The following MAF variants were observed in gnomAD, a reference collection of about 807,000 sequenced individuals.
MAF encodes MAF bZIP transcription factor.
Under a neutral mutation model 22.0 loss-of-function variants are expected in MAF, and 10 were observed. That is an observed-to-expected ratio of 0.45 (90% confidence interval 0.28 to 0.77). The LOEUF (loss-of-function observed/expected upper bound fraction) is 0.77. MAF is among the 30% of genes least tolerant of loss of function. MAF has a pLI of 0.12. For missense variants in MAF, 544 were observed against 548.4 expected, an observed-to-expected ratio of 0.99 and a Z score of 0.08; for synonymous variants, 337 against 255.8, an observed-to-expected ratio of 1.32 and a Z score of -3.03.
the MAF span, among the ~76,000 whole-genome samples, chr16:79,489,294 CATCT>C: frequency 1.3e-5 from 2 of 152,144 alleles, no homozygotes; most frequent in African/African-American, 4.8e-5. Context: ...CTCACACATC[CATCT>C]ATTTATCCAT....
At chr16:79,501,806 A>G in the MAF span, among the ~76,000 whole-genome samples, 1 of 152,194 alleles carries the variant, frequency 6.6e-6, no homozygotes, top group South Asian at 2.1e-4. Flanking sequence ...TTTAAATGGA[A>G]AAGAAAACTT....
At chr16:79,498,617 G>T in the MAF span, among the ~76,000 whole-genome samples, 2 of 152,162 alleles carry the variant, frequency 1.3e-5, no homozygotes, top group Non-Finnish European at 2.9e-5. Context: ...GAGGCTATTA[G>T]TACGCCCATT....
the MAF span, among the ~76,000 whole-genome samples, chr16:79,282,141 A>G: frequency 3.3e-5 from 5 of 152,190 alleles, no homozygotes; most frequent in African/African-American, 1.2e-4. Context: ...TCTCTACTAA[A>G]AATACAAAAA....
At chr16:79,532,308 G>C in the MAF span, among the ~76,000 whole-genome samples, 1 of 152,210 alleles carries the variant, frequency 6.6e-6, no homozygotes. Context: ...ATGTCCAACA[G>C]CATCATCCGT....
At chr16:79,306,200 G>T in the MAF span, among the ~76,000 whole-genome samples, 1 of 152,186 alleles carries the variant, frequency 6.6e-6, no homozygotes, top group African/African-American at 2.4e-5. Flanking sequence ...ATCAGATGCA[G>T]GACTGCCCCA....
chr16:79,551,291 G>T, the MAF span, among the ~76,000 whole-genome samples: 1 of 152,100 alleles, frequency 6.6e-6, no homozygotes, highest in Non-Finnish European at 1.5e-5. Flanking sequence ...CAAGCAGGAA[G>T]AGGCACCCAA....
the MAF span, among the ~76,000 whole-genome samples, chr16:79,428,460 T>G: frequency 6.6e-6 from 1 of 152,158 alleles, no homozygotes; most frequent in Admixed American, 6.5e-5. Context: ...AGTCCCAAAC[T>G]GGCATTTTCC....
chr16:79,514,413 T>G, the MAF span, among the ~76,000 whole-genome samples: 1 of 152,214 alleles, frequency 6.6e-6, no homozygotes, highest in South Asian at 2.1e-4. Flanking sequence ...ACAAATAATA[T>G]GGAAATATTC....
chr16:79,400,947 C>CATG, the MAF span, among the ~76,000 whole-genome samples: 1 of 152,252 alleles, frequency 6.6e-6, no homozygotes, highest in Non-Finnish European at 1.5e-5. Context: ...CAGGGAGAGG[C>CATG]ATGATAAACA....
chr16:79,468,761 C>T, the MAF span, among the ~76,000 whole-genome samples: 1 of 152,096 alleles, frequency 6.6e-6, no homozygotes, highest in Admixed American at 6.5e-5. Context: ...ATAAGATAAT[C>T]CAGGGGGCAG....
At chr16:79,546,866 T>C in the MAF span, among the ~76,000 whole-genome samples, 1 of 152,156 alleles carries the variant, frequency 6.6e-6, no homozygotes, top group Non-Finnish European at 1.5e-5. Context: ...GATGGACTTA[T>C]ATGACATGTT....
At chr16:79,348,619 A>G in the MAF span, among the ~76,000 whole-genome samples, 119 of 152,356 alleles carry the variant, frequency 7.8e-4, no homozygotes, top group African/African-American at 2.8e-3. Context: ...TGTCCGTATC[A>G]TCATATCAGG....
the MAF span, among the ~76,000 whole-genome samples, chr16:79,577,545 T>C: frequency 7.2e-5 from 11 of 152,236 alleles, no homozygotes; most frequent in South Asian, 1.9e-3. Flanking sequence ...ATGGTAGCTG[T>C]TGTCATCATA....
At chr16:79,570,262 C>G in the MAF span, among the ~76,000 whole-genome samples, 1 of 152,020 alleles carries the variant, frequency 6.6e-6, no homozygotes, top group African/African-American at 2.4e-5. Context: ...TAATCTAACC[C>G]CTCCCTCCAG....
chr16:79,483,030 C>T, the MAF span, among the ~76,000 whole-genome samples: 1 of 21,816 alleles, frequency 4.6e-5, no homozygotes, highest in African/African-American at 2.3e-4. Context: ...CTTCCCTCCC[C>T]TCCCTCCCTC....
the MAF span, among the ~76,000 whole-genome samples, chr16:79,388,502 C>CTT: frequency 6.6e-6 from 1 of 152,178 alleles, no homozygotes; most frequent in Non-Finnish European, 1.5e-5. Flanking sequence ...TTTTCTTTCT[C>CTT]TTTTTTCTTG....
chr16:79,267,400 G>A, the MAF span, among the ~76,000 whole-genome samples: 1 of 152,210 alleles, frequency 6.6e-6, no homozygotes, highest in African/African-American at 2.4e-5. Flanking sequence ...TGTGAGCTCT[G>A]CAGATTGTTT....
the MAF span, among the ~76,000 whole-genome samples, chr16:79,238,306 C>A: frequency 2.6e-5 from 4 of 152,106 alleles, no homozygotes; most frequent in African/African-American, 7.2e-5. Context: ...TGAAAGCTTT[C>A]TGCTTCTTTC....
At chr16:79,392,698 C>A in the MAF span, among the ~76,000 whole-genome samples, 1 of 152,092 alleles carries the variant, frequency 6.6e-6, no homozygotes, top group African/African-American at 2.4e-5. Context: ...AGACTTAGAG[C>A]ACATGTGAAA....
Sources: gnomAD v4.1 joint callset for allele counts (sites outside exome capture counted in the v4.1 genomes callset) on GRCh38, gnomAD v4.1.1 for gene constraint, MANE v1.5 for transcripts, NCBI Gene and HGNC (gene_info 2026-07-23, HGNC 2026-07-21) for gene names.